Variants in ABCC5 observed in about 807,000 individuals in gnomAD.
The protein encoded by ABCC5 is ATP-binding cassette sub-family C member 5.
ABCC5 carries 61 observed loss-of-function variants against 160.9 expected under a neutral mutation model. That is an observed-to-expected ratio of 0.38 (90% CI 0.31 to 0.47). The LOEUF (loss-of-function observed/expected upper bound fraction) is 0.47. ABCC5 is among the 20% of genes least tolerant of loss of function. The probability of loss-of-function intolerance (pLI) is 0.99; values close to 1 mark genes in which losing one functional copy is unlikely to be tolerated. For synonymous variants in ABCC5, 666 were observed against 700.6 expected (o/e 0.95, Z 0.78); for missense variants, 1,308 against 1,813.3 (o/e 0.72, Z 5.06).
chr3:183,947,717 T>C (rs890568597), intron 22 of ABCC5, among the ~76,000 whole-genome samples: 1 of 152,164 alleles, frequency 6.6e-6, no homozygotes, highest in East Asian at 1.9e-4. Context: ...TAAGTTTTTC[T>C]AATCTTAGTT....
In ABCC5 at chr3:183,959,700, G is replaced by A. The variant is rs199797441; in HGVS notation, c.2482+33C>T. On this transcript the variant is annotated intron_variant, in intron 17 of 29. Transcript: ENST00000334444. ...CAAGTTATTTCTGATAAACTTTGAT[G>A]ACAAATCTAAAAATTTCAAAAAAGG... 2.0e-6 allele frequency: 3 copies of A among 1,480,454 alleles called. No individual in the cohort carries two copies. In the East Asian group the frequency reaches 6.8e-5, roughly 34 times the overall value. 91.7% of individuals were successfully genotyped at this position (1,480,454 alleles called of 1,614,324 possible). A position where few individuals can be genotyped will look rare whatever the true frequency, so the allele number is the denominator to read the frequency against.
chr3:183,979,739 C>T (rs1276461256), intron 8 of ABCC5, among the ~76,000 whole-genome samples: 1 of 152,056 alleles, frequency 6.6e-6, no homozygotes, highest in Non-Finnish European at 1.5e-5. Context: ...CACTACCATG[C>T]CCAGTTATGT....
intron 15 of ABCC5, among the ~76,000 whole-genome samples, chr3:183,961,882 C>T (rs751349220): frequency 2.0e-5 from 3 of 152,082 alleles, no homozygotes; most frequent in African/African-American, 7.2e-5. Flanking sequence ...TGGGTTCAAG[C>T]GATTCTCCTG....
chr3:183,985,759 C>A (rs866998131), intron 5 of ABCC5: 4 of 297,462 alleles, frequency 1.3e-5, no homozygotes, highest in African/African-American at 4.3e-5. Flanking sequence ...ATTACTATGA[C>A]CCCCGGGCAC....
At chr3:183,998,475 C>G (rs35740940) in intron 2 of ABCC5, among the ~76,000 whole-genome samples, 10,191 of 152,160 alleles carry the variant, frequency 0.067, 354 homozygotes, top group Middle Eastern at 0.092. Context: ...ACCAACATAG[C>G]ATGTACTATG....
In ABCC5 at chr3:183,982,500, G is replaced by A; in HGVS notation, c.950C>T (p.Pro317Leu). The A allele has an allele frequency of 6.2e-7, 1 of 1,614,156 alleles. No homozygotes were observed. The highest frequency in any genetic ancestry group is 8.5e-7 in the Non-Finnish European group (1 of 1,180,020). ...GMIYNVIILG[P>L]TGFLGSAVFI... ...AACAGCTGATCCCAGGAAGCCTGTT[G>A]GTCCCAGAATAATTACATTATAAAT... The change falls in exon 7 of 30, where the codon CCA becomes CTA. Residue 317 changes from proline (P) to leucine (L), a missense_variant. Around this residue, in one of 3 missense-constraint regions of ABCC5, gnomAD observed 1,142 missense variants for 1,527.1 expected, o/e 0.75. Transcript: ENST00000334444. This position sits in a 1 kb window ranked among gnomAD's most constrained non-coding sequence, Gnocchi z 5.2.
intron 2 of ABCC5, among the ~76,000 whole-genome samples, chr3:183,998,915 C>T (rs1720511346): frequency 6.6e-6 from 1 of 151,678 alleles, no homozygotes. Flanking sequence ...TATGGTGCAA[C>T]CTCATCTCTA....
At position 183,987,988 on chromosome 3, in the gene ABCC5, C is replaced by T. The variant is rs537440244; in HGVS notation, c.444-71G>A. 7.7e-6 allele frequency: 12 copies of T among 1,558,038 alleles called. No individual in the cohort carries two copies. In the East Asian group the frequency reaches 1.6e-4, roughly 20 times the overall value. On this transcript the variant is annotated intron_variant, in intron 4 of 29. Coordinates refer to ENST00000334444, the MANE Select transcript of ABCC5 (RefSeq NM_005688.4). This position sits in a 1 kb window ranked among gnomAD's most constrained non-coding sequence, Gnocchi z 4.2. ...GGCACACCTAGCTCCCCGCCTGCCA[C>T]CACTTTTTGTCTCCAGGTTTTGCCA...
intron 12 of ABCC5, chr3:183,967,329 GGTT>G: frequency 4.2e-6 from 1 of 238,434 alleles, no homozygotes; most frequent in Non-Finnish European, 8.3e-6. Context: ...CTTCTTTACA[GGTT>G]AACTCTGTTG....
At chr3:183,936,965 T>C (rs1029730441) in intron 26 of ABCC5, among the ~76,000 whole-genome samples, 3 of 152,250 alleles carry the variant, frequency 2.0e-5, no homozygotes, top group Non-Finnish European at 4.4e-5. Flanking sequence ...AAGGATTTTA[T>C]CTCTGGCAAC....
At chr3:184,010,172 CAGG>C (rs1206238090) in intron 2 of ABCC5, among the ~76,000 whole-genome samples, 3 of 145,006 alleles carry the variant, frequency 2.1e-5, no homozygotes, top group Non-Finnish European at 3.0e-5. Flanking sequence ...GAGGCTGAGG[CAGG>C]AGAATTGCTT....
Position 183,921,311 on chromosome 3 carries a change from C to T in ABCC5, c.4303G>A (p.Val1435Ile). The change falls in exon 30 of 30, where the codon GTC becomes ATC. Residue 1435 changes from valine (V) to isoleucine (I), a missense_variant. By Grantham distance (29) the Val-to-Ile change is conservative. Transcript: ENST00000334444. The surrounding 1 kb of genome is among the most constrained non-coding windows in gnomAD (Gnocchi z 4.1). ...MFAAAENKVA[V>I]KG ...TCAACAGGGAGGAGTCAGCCCTTGA[C>T]AGCGACCTTGTTCTCTGCAGCAGCA... The T allele has an allele frequency of 1.3e-6, 2 of 1,578,424 alleles. No individual in the cohort carries two copies. The highest frequency in any genetic ancestry group is 1.7e-6 in the Non-Finnish European group (2 of 1,148,910).
Position 183,977,540 on chromosome 3 carries a change from A to T in ABCC5, c.1381T>A (p.Ser461Thr). ...PFSVKSLSEA[S>T]VAVDRFKSLF... The stretch of plus-strand genomic sequence containing the variant: ...ACCTTAAATCTGTCAACAGCCACTG[A>T]GGCTTCTGAGAGGGACTTTACTGAA... Residue 461 changes from serine (S) to threonine (T), a missense_variant, in exon 10 of 30, where the codon TCA (serine) becomes ACA (threonine). Ser to Thr is a moderately conservative substitution (Grantham distance 58). Coordinates refer to ENST00000334444, the MANE Select transcript of ABCC5 (RefSeq NM_005688.4). 1 of 1,613,912 alleles carries T rather than the reference A, an allele frequency of 6.2e-7. No individual in the cohort carries two copies. Among genetic ancestry groups the T allele is most frequent in the Non-Finnish European group, 8.5e-7 (1 of 1,179,804 alleles).
At chr3:183,932,351 G>A (rs574523122) in intron 26 of ABCC5, among the ~76,000 whole-genome samples, 5 of 152,264 alleles carry the variant, frequency 3.3e-5, no homozygotes, top group African/African-American at 9.6e-5. Flanking sequence ...TAGAGAGAAC[G>A]GCATAGATTG....
At chr3:183,928,663 C>G (rs1712853818) in intron 27 of ABCC5, 84 bp downstream of exon 27, 1 of 1,280,624 alleles carries the variant, frequency 7.8e-7, no homozygotes, top group Non-Finnish European at 1.1e-6. Context: ...GAGGCACGGC[C>G]AGAGCAGACG....
intron 2 of ABCC5, among the ~76,000 whole-genome samples, chr3:184,007,561 C>T (rs562198333): frequency 6.6e-6 from 1 of 152,278 alleles, no homozygotes; most frequent in African/African-American, 2.4e-5. Context: ...CGCAGTGGCT[C>T]ACACCTGTAA....
Position 183,947,348 on chromosome 3 carries a change from A to T in ABCC5, c.3390T>A (p.Gly1130=). The T allele has an allele frequency of 6.2e-7, 1 of 1,612,360 alleles. No individual in the cohort carries two copies. The highest frequency in any genetic ancestry group is 8.5e-7 in the Non-Finnish European group (1 of 1,178,984). Residue 1130 remains glycine, a synonymous_variant, in exon 23 of 30, where the codon GGT becomes GGA. Coordinates refer to ENST00000334444, the MANE Select transcript of ABCC5 (RefSeq NM_005688.4). The stretch of plus-strand genomic sequence containing the variant: ...CCTGGACAGCATAAGAGATGGCGAG[A>T]CCCGCATAGGCTGGGGGAATCTGCC... The part of the protein sequence containing the change: ...MHGQIPPAYA[G]LAISYAVQLT...
chr3:183,975,545 G>C (rs778157017), intron 10 of ABCC5, among the ~76,000 whole-genome samples: 14 of 151,980 alleles, frequency 9.2e-5, no homozygotes, highest in Non-Finnish European at 1.8e-4. Context: ...GTTTTACCAT[G>C]TTGGCCAGGC....
chr3:183,932,838 T>C (rs966454879), intron 26 of ABCC5, among the ~76,000 whole-genome samples: 2 of 152,100 alleles, frequency 1.3e-5, no homozygotes, highest in Admixed American at 1.3e-4. Flanking sequence ...GTCTGTCTTA[T>C]GAAGTTTTGA....
Sources: gnomAD v4.1 joint callset for allele counts (sites outside exome capture counted in the v4.1 genomes callset) on GRCh38, gnomAD v4.1.1 for gene constraint, gnomAD v4.1.1 regional missense constraint, Gnocchi (gnomAD v3.1) non-coding constraint, MANE v1.5 for transcripts, NCBI Gene and HGNC (gene_info 2026-07-23, HGNC 2026-07-21) for gene names.